SEPTIN7: variants seen among roughly 807,000 people sequenced by gnomAD.
The protein encoded by SEPTIN7 is septin-7.
Under a neutral mutation model 63.3 loss-of-function variants are expected in SEPTIN7, and 10 were observed. The ratio of observed to expected loss-of-function variants is 0.16; its 90% CI spans 0.10 to 0.27. The LOEUF (loss-of-function observed/expected upper bound fraction) is 0.27, where lower values mean the gene tolerates loss of function less well. Among genes scored for constraint, SEPTIN7 ranks in the 10% least tolerant of loss-of-function variants. The pLI is 1.00. For synonymous variants in SEPTIN7, 131 were observed against 165.3 expected (o/e 0.79, Z 1.59); for missense variants, 310 against 521.0 (o/e 0.59, Z 3.94).
chr7:35,838,236 A>ACTTCCTTC (rs1167892518), intron 3 of SEPTIN7, among the ~76,000 whole-genome samples: 19 of 59,060 alleles, frequency 3.2e-4, no homozygotes, highest in African/African-American at 6.8e-4. Flanking sequence ...TATTATCCAA[A>ACTTCCTTC]CTTCCTTCCT....
At chr7:35,889,462 A>G (rs2116325686) in intron 10 of SEPTIN7, among the ~76,000 whole-genome samples, 1 of 152,336 alleles carries the variant, frequency 6.6e-6, no homozygotes, top group South Asian at 2.1e-4. Context: ...TTGTTCCCAA[A>G]GGGGGAGATT....
chr7:35,819,471 A>G (rs1789278463), intron 1 of SEPTIN7, among the ~76,000 whole-genome samples: 1 of 151,654 alleles, frequency 6.6e-6, no homozygotes, highest in Non-Finnish European at 1.5e-5. Flanking sequence ...GTTGGTTTAT[A>G]GTGTTGTTGA....
At chr7:35,898,561 C>A in intron 12 of SEPTIN7, 178 bp downstream of exon 12, 1 of 501,836 alleles carries the variant, frequency 2.0e-6, no homozygotes. Context: ...TAAAATAATA[C>A]ATACTTCAAT....
At chr7:35,880,228 T>TTTTTTTTTTTTTTTTTTTTTTTTTC (rs1786785164) in intron 7 of SEPTIN7, among the ~76,000 whole-genome samples, 1 of 144,688 alleles carries the variant, frequency 6.9e-6, no homozygotes, top group Admixed American at 6.8e-5. Context: ...CTTTTCTTTT[T>TTTTTTTTTTTTTTTTTTTTTTTTTC]TTTTTTTTTT....
At chr7:35,842,315 C>G (rs1355923762) in intron 3 of SEPTIN7, among the ~76,000 whole-genome samples, 3 of 149,726 alleles carry the variant, frequency 2.0e-5, no homozygotes, top group Non-Finnish European at 4.4e-5. Context: ...GTAAATTTGC[C>G]AACCTTGTTA....
At chr7:35,901,796 A>T (rs528020656) in intron 12 of SEPTIN7, 89 of 151,664 alleles carry the variant, frequency 5.9e-4, no homozygotes, top group African/African-American at 2.1e-3. Flanking sequence ...TGTATATGTG[A>T]CTCTTTTCAT....
Position 35,858,509 on chromosome 7 carries a change from C to T in SEPTIN7, c.170-5043C>T, listed in dbSNP as rs146252401. On this transcript the variant is annotated intron_variant, in intron 3 of 13. Transcript: ENST00000350320. The stretch of plus-strand genomic sequence containing the variant: ...TAGCTGGGATTACAGGCATGCCCTG[C>T]CACGCCCAACTAATTTTTGTATTTT... 5.8e-3 allele frequency among the ~76,000 whole-genome samples: 883 copies of T among 151,950 alleles called. 7 individuals carry two copies. The highest frequency in any genetic ancestry group is 0.02 in the African/African-American group (848 of 41,402).
chr7:35,803,549 T>C (rs1267402552), intron 1 of SEPTIN7, among the ~76,000 whole-genome samples: 1 of 152,232 alleles, frequency 6.6e-6, no homozygotes, highest in African/African-American at 2.4e-5. Flanking sequence ...ACATATTCAT[T>C]GTAGACTGTA....
At chr7:35,820,381 CCTTA>C (rs1223501578) in intron 1 of SEPTIN7, among the ~76,000 whole-genome samples, 1 of 152,012 alleles carries the variant, frequency 6.6e-6, no homozygotes, top group African/African-American at 2.4e-5. Context: ...TCCTTCCCTC[CCTTA>C]CTTCATGTTT....
chr7:35,866,107 G>C (rs1785793909), intron 4 of SEPTIN7, among the ~76,000 whole-genome samples: 1 of 152,132 alleles, frequency 6.6e-6, no homozygotes. Flanking sequence ...TTGAGAACCA[G>C]ATTGATCCTT....
chr7:35,900,589 A>G (rs1429545676), intron 12 of SEPTIN7: 3 of 152,174 alleles, frequency 2.0e-5, no homozygotes, highest in African/African-American at 4.8e-5. Flanking sequence ...CAAAAGGGGG[A>G]AAAAAACAGG....
chr7:35,902,875 CT>C, intron 12 of SEPTIN7, 200 bp from the exon 13 acceptor site: 2 of 613,938 alleles, frequency 3.3e-6, no homozygotes, highest in Admixed American at 4.5e-5. Context: ...AGATTATTGT[CT>C]TGGGTCACTG....
chr7:35,856,858 T>A (rs1785239433), intron 3 of SEPTIN7, among the ~76,000 whole-genome samples: 1 of 152,242 alleles, frequency 6.6e-6, no homozygotes, highest in Non-Finnish European at 1.5e-5. Flanking sequence ...TCACTTTAGT[T>A]CAGAATAAAT....
At chr7:35,836,547 A>AT (rs1009086385) in intron 3 of SEPTIN7, among the ~76,000 whole-genome samples, 3 of 150,624 alleles carry the variant, frequency 2.0e-5, no homozygotes, top group Admixed American at 6.6e-5. Context: ...TGGCACTTCT[A>AT]TTTTTTTTTC....
chr7:35,909,548 CTG>C (rs1788701892), downstream of SEPTIN7, among the ~76,000 whole-genome samples: 1 of 152,114 alleles, frequency 6.6e-6, no homozygotes, highest in Non-Finnish European at 1.5e-5. Context: ...AGTATTCAAA[CTG>C]GGAAAAATAC....
chr7:35,898,306 A>G lies in SEPTIN7; in HGVS notation c.1057A>G (p.Met353Val). Reference sequence around the variant, plus strand: ...GGAGCATGTAGCTAAAATGAAGAAGATGGAGATGGAGATGGAGCAGGTGTT... The same window carrying G: ...GGAGCATGTAGCTAAAATGAAGAAGGTGGAGATGGAGATGGAGCAGGTGTT... ...RREHVAKMKK[M>V]EMEMEQVFEM... Residue 353 changes from methionine (M) to valine (V), a missense_variant, in exon 12 of 14, where the codon ATG becomes GTG. Transcript: ENST00000350320. The G allele has an allele frequency of 6.5e-7, 1 of 1,550,020 alleles. No individual in the cohort carries two copies. The highest frequency in any genetic ancestry group is 8.7e-7 in the Non-Finnish European group (1 of 1,145,666).
intron 1 of SEPTIN7, among the ~76,000 whole-genome samples, chr7:35,805,707 A>G (rs535400137): frequency 6.6e-6 from 1 of 152,274 alleles, no homozygotes; most frequent in East Asian, 1.9e-4. Context: ...TGCTTACGTT[A>G]TTTTGAAGTT....
At chr7:35,812,135 A>C (rs538977141) in intron 1 of SEPTIN7, 16 of 193,538 alleles carry the variant, frequency 8.3e-5, no homozygotes, top group South Asian at 5.5e-4. Context: ...AAACAAAAAA[A>C]AAAAAAACAA....
chr7:35,814,858 C>A (rs1379879349), intron 1 of SEPTIN7, among the ~76,000 whole-genome samples: 1 of 151,754 alleles, frequency 6.6e-6, no homozygotes, highest in Non-Finnish European at 1.5e-5. Context: ...GCCTGTAGTC[C>A]CAGCTACTCG....
Sources: gnomAD v4.1 joint callset for allele counts (sites outside exome capture counted in the v4.1 genomes callset) on GRCh38, gnomAD v4.1.1 for gene constraint, MANE v1.5 for transcripts, NCBI Gene and HGNC (gene_info 2026-07-23, HGNC 2026-07-21) for gene names.